The following AKR1B15 variants were observed in gnomAD, a reference collection of about 807,000 sequenced individuals.
The protein encoded by AKR1B15 is estradiol 17-beta-dehydrogenase AKR1B15.
Under a neutral mutation model 38.5 loss-of-function variants are expected in AKR1B15, and 49 were observed. That is an observed-to-expected ratio of 1.27 (90% CI 1.01 to 1.62). The LOEUF (loss-of-function observed/expected upper bound fraction) is 1.62, where lower values mean the gene tolerates loss of function less well. Ranked by LOEUF, AKR1B15 falls within the 40% of genes most tolerant of loss-of-function variation. The pLI is 0.00. For missense variants in AKR1B15, 411 were observed against 381.6 expected (o/e 1.08, Z -0.64); for synonymous variants, 137 against 135.5 (o/e 1.01, Z -0.08).
At chr7:134,566,396 C>T (rs1562948545) in intron 3 of AKR1B15, among the ~76,000 whole-genome samples, 1 of 152,200 alleles carries the variant, frequency 6.6e-6, no homozygotes, top group Non-Finnish European at 1.5e-5. Context: ...TTCCTGTACA[C>T]ATTGAAATCT....
intron 5 of AKR1B15, chr7:134,570,609 A>G (rs1794648259): frequency 6.6e-6 from 1 of 152,252 alleles, no homozygotes; most frequent in South Asian, 2.1e-4. Flanking sequence ...AAGAACCTAC[A>G]TGAAATAACG....
intron 2 of AKR1B15, among the ~76,000 whole-genome samples, chr7:134,561,735 G>A (rs1794398812): frequency 6.6e-6 from 1 of 151,994 alleles, no homozygotes; most frequent in Admixed American, 6.5e-5. Flanking sequence ...CAGATGCTGT[G>A]ACGTGGCCCT....
chr7:134,565,150 T>C, intron 3 of AKR1B15: 1 of 339,722 alleles, frequency 2.9e-6, no homozygotes, highest in Non-Finnish European at 5.5e-6. Flanking sequence ...CGTGGAAACT[T>C]TGTTCTTACC....
chr7:134,569,591 C>G (rs1409753678), intron 5 of AKR1B15, 62 bp downstream of exon 5: 1 of 1,560,130 alleles, frequency 6.4e-7, no homozygotes, highest in African/African-American at 1.4e-5. Flanking sequence ...TCAGGGACCC[C>G]CAACAGAGAG....
chr7:134,571,315 G>A (rs578005778), intron 5 of AKR1B15, among the ~76,000 whole-genome samples: 3 of 152,188 alleles, frequency 2.0e-5, no homozygotes, highest in Non-Finnish European at 4.4e-5. Flanking sequence ...GGTGTGTATA[G>A]GATGTAGGTG....
intron 1 of AKR1B15, among the ~76,000 whole-genome samples, chr7:134,554,717 G>A (rs1255704141): frequency 6.6e-6 from 1 of 152,172 alleles, no homozygotes; most frequent in Non-Finnish European, 1.5e-5. Flanking sequence ...GGTGCTAGTA[G>A]ACACCTTTTC....
At chr7:134,553,166 G>A (rs1281670932) in intron 1 of AKR1B15, among the ~76,000 whole-genome samples, 2 of 152,118 alleles carry the variant, frequency 1.3e-5, no homozygotes, top group Non-Finnish European at 2.9e-5. Flanking sequence ...CCACCACTAA[G>A]AGACAGGTAC....
In AKR1B15 at chr7:134,568,230, T is replaced by G; in HGVS notation, c.223T>G (p.Tyr75Asp). The G allele has an allele frequency of 1.2e-6, 2 of 1,614,132 alleles. No homozygotes were observed. Among genetic ancestry groups the G allele is most frequent in the Non-Finnish European group, 1.7e-6 (2 of 1,179,994 alleles). Residue 75 changes from tyrosine (Y) to aspartate (D), a missense_variant, in exon 4 of 12, where the codon TAT becomes GAT. Coordinates refer to ENST00000457545, the MANE Select transcript of AKR1B15 (RefSeq NM_001080538.3). ...DAEYRHIDCA[Y>D]FYENQHEVGE... The stretch of plus-strand genomic sequence containing the variant: ...AGAATATCGCCACATTGACTGTGCC[T>G]ATTTCTATGAGAATCAACATGAGGT...
chr7:134,565,646 G>T, intron 3 of AKR1B15: 1 of 1,534,952 alleles, frequency 6.5e-7, no homozygotes, highest in Non-Finnish European at 8.8e-7. Context: ...TCGGGTAGGG[G>T]TTTGGAGAGG....
intron 2 of AKR1B15, among the ~76,000 whole-genome samples, chr7:134,561,482 C>A (rs146421065): frequency 2.6e-3 from 397 of 152,332 alleles, no homozygotes; most frequent in African/African-American, 9.2e-3. Flanking sequence ...GCTGGGATTA[C>A]AGGTGTGAGA....
At chr7:134,577,996 A>G (rs1446113536) in intron 11 of AKR1B15, among the ~76,000 whole-genome samples, 1 of 152,172 alleles carries the variant, frequency 6.6e-6, no homozygotes, top group Non-Finnish European at 1.5e-5. Context: ...CTGGATGTAG[A>G]GCTAGAATTG....
intron 1 of AKR1B15, among the ~76,000 whole-genome samples, chr7:134,552,511 A>G (rs1794021955): frequency 6.6e-6 from 1 of 152,108 alleles, no homozygotes; most frequent in African/African-American, 2.4e-5. Flanking sequence ...CCTCATATTC[A>G]GCAACTATTA....
At chr7:134,551,066 C>T (rs1403870785) in intron 1 of AKR1B15, among the ~76,000 whole-genome samples, 1 of 152,204 alleles carries the variant, frequency 6.6e-6, no homozygotes, top group African/African-American at 2.4e-5. Context: ...TTTAGCCAGA[C>T]CTCACTTTTG....
rs563234491 is a variant in AKR1B15 at position 134,549,111 on chromosome 7, G to A, written c.-285G>A. On this transcript the variant is annotated 5_prime_UTR_variant, in exon 1 of 12. Coordinates refer to ENST00000457545, the MANE Select transcript of AKR1B15 (RefSeq NM_001080538.3). ...ACCTGACTCATTCCGGGCTTCCCCA[G>A]ACAGACAGCTGGCTTACAGGGCCAC... 1 of 152,606 alleles carries A rather than the reference G, an allele frequency of 6.6e-6. No individual in the cohort carries two copies. Among genetic ancestry groups the A allele is most frequent in the South Asian group, 2.1e-4 (1 of 4,824 alleles). 9.5% of individuals were successfully genotyped at this position (152,606 alleles called of 1,614,324 possible).
intron 2 of AKR1B15, among the ~76,000 whole-genome samples, chr7:134,562,019 T>G (rs1025783020): frequency 6.6e-6 from 1 of 152,232 alleles, no homozygotes; most frequent in African/African-American, 2.4e-5. Context: ...GGTCTCACTG[T>G]GTCGCCCAGG....
chr7:134,575,642 G>A (rs753868277), intron 7 of AKR1B15, 100 bp downstream of exon 7: 3 of 1,580,936 alleles, frequency 1.9e-6, no homozygotes, highest in East Asian at 4.5e-5. Context: ...TATCTCAGGG[G>A]TCAGTGATCA....
At position 134,562,492 on chromosome 7, in the gene AKR1B15, C is replaced by T. The variant is rs186136916; in HGVS notation, c.-22-2106C>T. On this transcript the variant is annotated intron_variant, in intron 2 of 11. Coordinates refer to ENST00000457545, the MANE Select transcript of AKR1B15 (RefSeq NM_001080538.3). ...GTGCTGATTGGTCCATTTTACAGAGCGCTGATTGGTCCATTATACGGAGCA... is the reference window on the plus strand; with the variant it reads ...GTGCTGATTGGTCCATTTTACAGAGTGCTGATTGGTCCATTATACGGAGCA... Among the ~76,000 whole-genome samples, 552 of 151,768 alleles carry T rather than the reference C, an allele frequency of 3.6e-3. 5 individuals are homozygous for T. Among genetic ancestry groups the T allele is most frequent in the African/African-American group, 0.012 (504 of 41,408 alleles).
intron 6 of AKR1B15, chr7:134,573,623 A>T (rs774067512): frequency 1.1e-6 from 1 of 873,976 alleles, no homozygotes; most frequent in Non-Finnish European, 1.4e-6. Flanking sequence ...GGAAAAAAGT[A>T]TAAAGAAGTC....
chr7:134,562,737 T>A (rs1308758857), intron 2 of AKR1B15, among the ~76,000 whole-genome samples: 1 of 152,132 alleles, frequency 6.6e-6, no homozygotes, highest in Non-Finnish European at 1.5e-5. Flanking sequence ...TTTCTGTATT[T>A]TTAGTAGAGA....
Sources: gnomAD v4.1 joint callset for allele counts (sites outside exome capture counted in the v4.1 genomes callset) on GRCh38, gnomAD v4.1.1 for gene constraint, MANE v1.5 for transcripts, NCBI Gene and HGNC (gene_info 2026-07-23, HGNC 2026-07-21) for gene names.